MTCL2: variants seen among roughly 807,000 people sequenced by gnomAD.
The protein encoded by MTCL2 is microtubule cross-linking factor 2.
the MTCL2 span, among the ~76,000 whole-genome samples, chr20:36,827,929 C>A: frequency 6.6e-6 from 1 of 152,214 alleles, no homozygotes; most frequent in African/African-American, 2.4e-5. Context: ...AGGGGGCTAG[C>A]CACCCTTAGC....
At chr20:36,860,226 T>A in the MTCL2 span, among the ~76,000 whole-genome samples, 2 of 152,168 alleles carry the variant, frequency 1.3e-5, no homozygotes, top group Non-Finnish European at 2.9e-5. Context: ...TGAAATCTTC[T>A]TACTCCAGAC....
chr20:36,818,034 T>C, the MTCL2 span, among the ~76,000 whole-genome samples: 6 of 152,350 alleles, frequency 3.9e-5, no homozygotes, highest in African/African-American at 1.4e-4. Flanking sequence ...CATCCAGGGA[T>C]GGGTCCATGA....
chr20:36,812,869 C>G, the MTCL2 span: 5 of 1,604,902 alleles, frequency 3.1e-6, no homozygotes, highest in Non-Finnish European at 4.2e-6. Context: ...ACAGGCAGAA[C>G]AAACCAAAGA....
chr20:36,859,685 C>G, the MTCL2 span: 1 of 1,231,742 alleles, frequency 8.1e-7, no homozygotes. Context: ...CACAGTCCTT[C>G]GCAGTTGACA....
At chr20:36,803,036 C>A in the MTCL2 span, 4 of 1,605,320 alleles carry the variant, frequency 2.5e-6, no homozygotes, top group Non-Finnish European at 3.4e-6. Context: ...GCTCCTCACG[C>A]TCCCGCTGTA....
chr20:36,815,927 G>A, the MTCL2 span: 10 of 1,611,748 alleles, frequency 6.2e-6, no homozygotes, highest in African/African-American at 6.7e-5. The surrounding 1 kb of genome is among the most constrained non-coding windows in gnomAD (Gnocchi z 5.3). Context: ...AGCTCTCCCC[G>A]CACTCTCCGC....
chr20:36,815,573 C>A, the MTCL2 span: 1 of 1,572,886 alleles, frequency 6.4e-7, no homozygotes, highest in Non-Finnish European at 8.6e-7. This position sits in a 1 kb window ranked among gnomAD's most constrained non-coding sequence, Gnocchi z 5.3. Flanking sequence ...GGGCAGAGTC[C>A]CCGGCCTCGG....
the MTCL2 span, among the ~76,000 whole-genome samples, chr20:36,822,117 G>A: frequency 1.3e-5 from 2 of 152,272 alleles, no homozygotes. Context: ...CCATTCTGGA[G>A]GGAAAACAAG....
At chr20:36,809,203 C>A in the MTCL2 span, among the ~76,000 whole-genome samples, 3 of 152,192 alleles carry the variant, frequency 2.0e-5, no homozygotes, top group African/African-American at 7.2e-5. Context: ...CCCTGCCACA[C>A]TCTGGATGTG....
chr20:36,823,996 C>A, the MTCL2 span, among the ~76,000 whole-genome samples: 5 of 152,140 alleles, frequency 3.3e-5, no homozygotes, highest in Non-Finnish European at 5.9e-5. Flanking sequence ...GGGAAGGAAG[C>A]AGTCACAGGA....
At chr20:36,814,057 G>A in the MTCL2 span, among the ~76,000 whole-genome samples, 5,132 of 152,160 alleles carry the variant, frequency 0.034, 340 homozygotes, top group African/African-American at 0.12. Context: ...TCAGCATAGG[G>A]TCTAGGTCAA....
chr20:36,819,643 G>T, the MTCL2 span, among the ~76,000 whole-genome samples: 1 of 151,732 alleles, frequency 6.6e-6, no homozygotes, highest in East Asian at 1.9e-4. Context: ...AATACTGGTG[G>T]TCTGAGGTAG....
chr20:36,829,660 G>C, the MTCL2 span, among the ~76,000 whole-genome samples: 2 of 151,880 alleles, frequency 1.3e-5, no homozygotes, highest in Non-Finnish European at 2.9e-5. Context: ...TGGGACTACA[G>C]GTATGCATAA....
At chr20:36,788,180 G>T in the MTCL2 span, among the ~76,000 whole-genome samples, 4 of 136,106 alleles carry the variant, frequency 2.9e-5, no homozygotes, top group Non-Finnish European at 6.3e-5. Flanking sequence ...CAGCCTGGGG[G>T]ACAGAGTGAG....
chr20:36,838,215 T>C, the MTCL2 span, among the ~76,000 whole-genome samples: 1 of 152,150 alleles, frequency 6.6e-6, no homozygotes, highest in Admixed American at 6.5e-5. Context: ...CACACCTGGC[T>C]AATTTTTTGT....
chr20:36,862,941 C>T, the MTCL2 span: 1 of 1,386,484 alleles, frequency 7.2e-7, no homozygotes, highest in Non-Finnish European at 9.4e-7. Context: ...CAGCTCCAGG[C>T]CCAGCAGGCG....
chr20:36,862,906 C>T, the MTCL2 span: 2 of 1,271,758 alleles, frequency 1.6e-6, no homozygotes, highest in Admixed American at 3.6e-5. Context: ...CCCCCGGCCG[C>T]GGACTCGGCG....
the MTCL2 span, chr20:36,810,250 C>A: frequency 1.0e-6 from 1 of 971,880 alleles, no homozygotes; most frequent in Non-Finnish European, 1.5e-6. Flanking sequence ...GGCAGAATGA[C>A]TGTCCCCACC....
chr20:36,825,057 T>C, the MTCL2 span, among the ~76,000 whole-genome samples: 1 of 151,838 alleles, frequency 6.6e-6, no homozygotes, highest in South Asian at 2.1e-4. Flanking sequence ...CTCCTCCTAT[T>C]TCAACCTCCC....
Sources: allele counts gnomAD v4.1 joint callset (sites outside exome capture counted in the v4.1 genomes callset), GRCh38; gene constraint gnomAD v4.1.1; non-coding constraint Gnocchi (gnomAD v3.1); transcripts MANE v1.5; gene names NCBI Gene and HGNC (gene_info 2026-07-23, HGNC 2026-07-21).